The following PCNT variants were observed in gnomAD, a reference collection of about 807,000 sequenced individuals.
PCNT encodes pericentrin, also known as kendrin.
PCNT carries 319 observed loss-of-function variants against 380.4 expected under a neutral mutation model. The ratio of observed to expected loss-of-function variants is 0.84; its 90% CI spans 0.77 to 0.92. The LOEUF is 0.92. Among genes scored for constraint, PCNT ranks in the 40% least tolerant of loss-of-function variants. PCNT has a pLI of 0.00. For missense variants in PCNT, 4,400 were observed against 4,255.3 expected (o/e 1.03, Z -0.95); for synonymous variants, 1,845 against 1,735.2 (o/e 1.06, Z -1.57).
Position 46,432,143 on chromosome 21 carries a change from G to C in PCNT, c.8679G>C (p.Arg2893Ser), listed in dbSNP as rs748806254. Residue 2893 changes from arginine (R) to serine (S), a missense_variant, in exon 38 of 47, where the codon AGG (arginine) becomes AGC (serine). Physicochemically the swap from Arg to Ser is moderately radical, Grantham distance 110. Transcript: ENST00000359568. The stretch of plus-strand genomic sequence containing the variant: ...AAGAAGGACGCAAGGCTGCGAGGAG[G>C]AGCGCGGAGGCCAGGCAGAGCCCAG... The part of the protein sequence containing the change: ...KEQEGRKAAR[R>S]SAEARQSPAA... 3.1e-6 allele frequency: 5 copies of C among 1,613,946 alleles called. No homozygotes were observed. Among genetic ancestry groups the C allele is most frequent in the Admixed American group, 3.3e-5 (2 of 60,030 alleles).
At position 46,390,812 on chromosome 21, in the gene PCNT, T is replaced by C; in HGVS notation, c.3983T>C (p.Leu1328Pro). ...EESAAKAELA[L>P]ELHKTQGTLE... is the part of the protein sequence containing the mutation. ...AGCGCAGCAAAGGCAGAGCTGGCGC[T>C]GGAGCTGCACAAGACTCAGGGTGAG... Residue 1328 changes from leucine (L) to proline (P), a missense_variant, in exon 20 of 47, where the codon CTG becomes CCG. Transcript: ENST00000359568. 1 of 1,609,826 alleles carries C rather than the reference T, an allele frequency of 6.2e-7. No individual in the cohort carries two copies.
chr21:46,411,931 G>T lies in PCNT; in HGVS notation c.5858G>T (p.Arg1953Leu). 1 of 1,592,132 alleles carries T rather than the reference G, an allele frequency of 6.3e-7. No homozygotes were observed. The highest frequency in any genetic ancestry group is 2.0e-4 in the Middle Eastern group (1 of 4,978). The change falls in exon 28 of 47, where the codon CGC becomes CTC. Residue 1953 changes from arginine (R) to leucine (L), a missense_variant. Physicochemically the swap from Arg to Leu is moderately radical, Grantham distance 102 (BLOSUM62 -2). Transcript: ENST00000359568. ...GTGGAGCTGGACAGGCGGCAGGCCC[G>T]CAGAGCCACAGCTCACACACGGGTG... Reference protein sequence around the residue: ...CQVELDRRQARRATAHTRVPG... With the variant: ...CQVELDRRQALRATAHTRVPG...
intron 15 of PCNT, among the ~76,000 whole-genome samples, chr21:46,377,347 C>T (rs77566633): frequency 0.012 from 1,896 of 152,340 alleles, 20 homozygotes; most frequent in Non-Finnish European, 0.02. Flanking sequence ...TTCGTGCTGT[C>T]CTTTCCTGCC....
intron 29 of PCNT, among the ~76,000 whole-genome samples, chr21:46,414,528 GCTCCTCCTC>G (rs201946771): frequency 1.2e-5 from 1 of 83,196 alleles, no homozygotes; most frequent in Non-Finnish European, 2.3e-5. Context: ...CACCCACCCT[GCTCCTCCTC>G]CTCCTCCTCC....
intron 16 of PCNT, among the ~76,000 whole-genome samples, chr21:46,383,391 A>G (rs1213901454): frequency 2.3e-3 from 196 of 85,592 alleles, no homozygotes; most frequent in Middle Eastern, 0.022. Context: ...ATATTCAGTG[A>G]CGGAAGCGCA....
At chr21:46,357,407 A>G (rs1258107812) in intron 13 of PCNT, among the ~76,000 whole-genome samples, 1 of 152,178 alleles carries the variant, frequency 6.6e-6, no homozygotes, top group East Asian at 1.9e-4. Flanking sequence ...CAGGGTCAGC[A>G]CCGGGGCGAA....
At chr21:46,402,604 A>G (rs1046495414) in intron 27 of PCNT, 121 bp downstream of exon 27, 18 of 1,036,502 alleles carry the variant, frequency 1.7e-5, no homozygotes, top group Admixed American at 9.1e-5. Context: ...CGTGGCCCCC[A>G]TGTGGCAGAC....
chr21:46,360,108 C>T (rs562491067), intron 13 of PCNT, among the ~76,000 whole-genome samples: 35 of 151,902 alleles, frequency 2.3e-4, no homozygotes, highest in East Asian at 7.8e-4. Flanking sequence ...CCACCCGCCT[C>T]GGCCTCCCAA....
At chr21:46,327,459 G>A (rs1445328491) in intron 2 of PCNT, among the ~76,000 whole-genome samples, 1 of 151,926 alleles carries the variant, frequency 6.6e-6, no homozygotes, top group Non-Finnish European at 1.5e-5. Context: ...GGAGTGCAGT[G>A]GTGTGATCAC....
At chr21:46,442,602 G>T (rs2148115709) in intron 44 of PCNT, 29 bp downstream of exon 44, 1 of 1,381,102 alleles carries the variant, frequency 7.2e-7, no homozygotes, top group South Asian at 1.2e-5. Flanking sequence ...TTGACCGCTG[G>T]ACTCACAAAC....
At chr21:46,423,034 G>A (rs905618976) in intron 32 of PCNT, among the ~76,000 whole-genome samples, 11 of 152,142 alleles carry the variant, frequency 7.2e-5, no homozygotes, top group Admixed American at 5.2e-4. Context: ...GATCGTTGGA[G>A]CCCAGGAGTT....
chr21:46,346,218 C>T lies in PCNT; in HGVS notation c.720+10C>T, dbSNP rs377749878. Reference sequence around the variant, plus strand: ...CCTGCATCAGAGTCAGGTGACCCGGCGGGGCCTGCACAGGCTCACAGCATG... The same window carrying T: ...CCTGCATCAGAGTCAGGTGACCCGGTGGGGCCTGCACAGGCTCACAGCATG... On this transcript the variant is annotated intron_variant, in intron 4 of 46. Coordinates refer to ENST00000359568, the MANE Select transcript of PCNT (RefSeq NM_006031.6). 65 of 1,414,956 alleles carry T rather than the reference C, an allele frequency of 4.6e-5. No homozygotes were observed. Among genetic ancestry groups the T allele is most frequent in the Admixed American group, 5.6e-5 (3 of 53,112 alleles). 87.7% of individuals were successfully genotyped at this position (1,414,956 alleles called of 1,614,324 possible).
At chr21:46,369,853 T>C (rs2085054955) in intron 15 of PCNT, among the ~76,000 whole-genome samples, 2 of 152,210 alleles carry the variant, frequency 1.3e-5, no homozygotes, top group Non-Finnish European at 2.9e-5. Flanking sequence ...GCCAAGGTCC[T>C]GCTCCTGGAG....
At chr21:46,335,025 T>C (rs2083687829) in intron 3 of PCNT, among the ~76,000 whole-genome samples, 1 of 152,242 alleles carries the variant, frequency 6.6e-6, no homozygotes, top group South Asian at 2.1e-4. Flanking sequence ...GCCTCCCTTG[T>C]GATCTTCCTT....
chr21:46,371,883 T>TGC (rs910230274), intron 15 of PCNT, among the ~76,000 whole-genome samples: 2 of 142,182 alleles, frequency 1.4e-5, no homozygotes, highest in African/African-American at 2.6e-5. Context: ...ACACAGCACA[T>TGC]GCACACACAG....
intron 13 of PCNT, among the ~76,000 whole-genome samples, chr21:46,359,491 G>GTTTTTTTTTGTTTTTTT (rs1555957855): frequency 3.0e-5 from 2 of 66,048 alleles, no homozygotes; most frequent in Non-Finnish European, 6.4e-5. Flanking sequence ...TTTTTTTTTT[G>GTTTTTTTTTGTTTTTTT]TTTTTTTTTT....
chr21:46,356,452 C>A (rs2084481203), intron 12 of PCNT, among the ~76,000 whole-genome samples: 2 of 152,256 alleles, frequency 1.3e-5, no homozygotes, highest in African/African-American at 4.8e-5. Context: ...CTGGCCAGCA[C>A]CTAGTCCCTT....
chr21:46,434,071 C>T (rs2087871249), intron 38 of PCNT, among the ~76,000 whole-genome samples: 1 of 152,210 alleles, frequency 6.6e-6, no homozygotes, highest in Non-Finnish European at 1.5e-5. Context: ...AGCCACTGTG[C>T]CCGGCCTCCA....
At chr21:46,408,074 G>A (rs1479463188) in intron 27 of PCNT, among the ~76,000 whole-genome samples, 2 of 152,076 alleles carry the variant, frequency 1.3e-5, no homozygotes, top group Non-Finnish European at 2.9e-5. Context: ...TTTGAAAAAA[G>A]GATTTAGTCC....
Sources: gnomAD v4.1 joint callset for allele counts (sites outside exome capture counted in the v4.1 genomes callset) on GRCh38, gnomAD v4.1.1 for gene constraint, MANE v1.5 for transcripts, NCBI Gene and HGNC (gene_info 2026-07-23, HGNC 2026-07-21) for gene names.